Variants in CFAP53 observed in about 807,000 individuals in gnomAD.
The protein encoded by CFAP53 is cilia- and flagella-associated protein 53.
CFAP53 carries 62 observed loss-of-function variants against 59.7 expected under a neutral mutation model. That is an observed-to-expected ratio of 1.04 (90% confidence interval 0.85 to 1.28). The LOEUF (loss-of-function observed/expected upper bound fraction) is 1.28, where lower values mean the gene tolerates loss of function less well. Ranked by LOEUF, CFAP53 falls within the 50% of genes most tolerant of loss-of-function variation. CFAP53 has a pLI of 0.00. For missense variants in CFAP53, 629 were observed against 615.6 expected (o/e 1.02, Z -0.23); for synonymous variants, 218 against 205.7 (o/e 1.06, Z -0.51).
intron 1 of CFAP53, among the ~76,000 whole-genome samples, chr18:50,265,895 C>T (rs2033956516): frequency 6.6e-6 from 1 of 152,190 alleles, no homozygotes; most frequent in Admixed American, 6.5e-5. Context: ...ATTCCCCTTC[C>T]TCAGACGATT....
chr18:50,227,837 G>A (rs2144397055), intron 7 of CFAP53, among the ~76,000 whole-genome samples: 1 of 151,752 alleles, frequency 6.6e-6, no homozygotes, highest in Middle Eastern at 3.4e-3. Context: ...CTTCTTCCCT[G>A]CTCGTAATGT....
At position 50,238,640 on chromosome 18, in the gene CFAP53, T is replaced by C. The variant is rs763929280; in HGVS notation, c.1279A>G (p.Lys427Glu). 2.5e-6 allele frequency: 4 copies of C among 1,612,182 alleles called. No individual in the cohort carries two copies. The South Asian group carries it at 3.3e-5, about 13-fold the overall frequency. Residue 427 changes from lysine to glutamate, a missense_variant, in exon 7 of 8, where the codon AAA becomes GAA. Physicochemically the swap from Lys to Glu is moderately conservative, Grantham distance 56. Transcript: ENST00000398545. ...TCCTTCTCTTCACAGTTAAGTTCTT[T>C]AAGACTTTCATTTATGTGTTTCTGT... ...MEQKHINESL[K>E]ELNCEEKENF...
At chr18:50,260,283 G>T (rs1224468651) in intron 3 of CFAP53, among the ~76,000 whole-genome samples, 4 of 152,158 alleles carry the variant, frequency 2.6e-5, no homozygotes, top group African/African-American at 9.7e-5. Flanking sequence ...GGTCACCATG[G>T]GTCTGGGTCA....
chr18:50,233,408 A>G (rs2033600644), intron 7 of CFAP53, among the ~76,000 whole-genome samples: 1 of 152,152 alleles, frequency 6.6e-6, no homozygotes, highest in Non-Finnish European at 1.5e-5. Flanking sequence ...CACCCTCTTA[A>G]TATTGATGCT....
intron 7 of CFAP53, among the ~76,000 whole-genome samples, chr18:50,229,497 T>C (rs926110770): frequency 6.6e-6 from 1 of 152,228 alleles, no homozygotes; most frequent in African/African-American, 2.4e-5. Context: ...TAATAGACCC[T>C]TGGGTTGCTT....
intron 1 of CFAP53, among the ~76,000 whole-genome samples, chr18:50,262,680 A>G (rs148682060): frequency 0.021 from 3,203 of 152,348 alleles, 56 homozygotes; most frequent in Non-Finnish European, 0.034. Context: ...ACTTTCAATG[A>G]AAAGGTGCTA....
In CFAP53 at chr18:50,238,560, AT is replaced by A. The variant is rs1165499970; in HGVS notation, c.1316+42del. ...AGCCACCATGGCTAGCCAAAAATCCATTTTTTAGGTAGCAAATGATGATACA... is the reference window on the plus strand; with the variant it reads ...AGCCACCATGGCTAGCCAAAAATCCATTTTTAGGTAGCAAATGATGATACA... On this transcript the variant is annotated intron_variant, in intron 7 of 7. Coordinates refer to ENST00000398545, the MANE Select transcript of CFAP53 (RefSeq NM_145020.5). The A allele has an allele frequency of 2.1e-6, 3 of 1,461,144 alleles. No individual in the cohort carries two copies. The Admixed American group carries it at 5.2e-5, about 25-fold the overall frequency. 90.5% of individuals were successfully genotyped at this position (1,461,144 alleles called of 1,614,324 possible). A position where few individuals can be genotyped will look rare whatever the true frequency, so the allele number is the denominator to read the frequency against.
At chr18:50,239,983 A>G (rs534640907) in intron 6 of CFAP53, among the ~76,000 whole-genome samples, 53 of 152,370 alleles carry the variant, frequency 3.5e-4, no homozygotes, top group African/African-American at 1.2e-3. Flanking sequence ...TCTTCAAAGA[A>G]TCAATATGTC....
chr18:50,241,818 C>T (rs889365751), intron 6 of CFAP53, among the ~76,000 whole-genome samples: 5 of 152,080 alleles, frequency 3.3e-5, no homozygotes, highest in East Asian at 1.9e-4. Context: ...CCACTGTGCA[C>T]GCATTGTCTT....
intron 7 of CFAP53, among the ~76,000 whole-genome samples, chr18:50,227,898 T>C (rs2144397149): frequency 6.6e-6 from 1 of 150,820 alleles, no homozygotes; most frequent in African/African-American, 2.4e-5. Context: ...CTTCCCTTAC[T>C]CTTCTCTATG....
At chr18:50,258,259 T>A (rs139623884) in intron 3 of CFAP53, among the ~76,000 whole-genome samples, 7 of 152,040 alleles carry the variant, frequency 4.6e-5, no homozygotes, top group Admixed American at 3.3e-4. Flanking sequence ...AACAGACACA[T>A]AAACCAATGA....
At position 50,261,996 on chromosome 18, in the gene CFAP53, C is replaced by T. The variant is rs267605199; in HGVS notation, c.293G>A (p.Arg98Gln). 2.0e-5 allele frequency: 32 copies of T among 1,602,444 alleles called. No homozygotes were observed. Among genetic ancestry groups the T allele is most frequent in the Non-Finnish European group, 2.6e-5 (30 of 1,169,974 alleles). Reference protein sequence around the residue: ...QGFIINIEERRNKLRELLALE... With the variant: ...QGFIINIEERQNKLRELLALE... ...CCAGGTTTGTGAGCCTTACTTATTTCGTCTTTCTTCAATGTTAATGATAAA... is the reference window on the plus strand; with the variant it reads ...CCAGGTTTGTGAGCCTTACTTATTTTGTCTTTCTTCAATGTTAATGATAAA... Residue 98 changes from arginine to glutamine, a missense_variant, in exon 2 of 8, where the codon CGA becomes CAA. Coordinates refer to ENST00000398545, the MANE Select transcript of CFAP53 (RefSeq NM_145020.5).
chr18:50,229,893 G>A (rs1333869258), intron 7 of CFAP53, among the ~76,000 whole-genome samples: 2 of 151,820 alleles, frequency 1.3e-5, no homozygotes, highest in East Asian at 3.9e-4. Flanking sequence ...GACTATAGGT[G>A]CACACAACCA....
At chr18:50,253,636 T>C (rs2033821395) in intron 3 of CFAP53, among the ~76,000 whole-genome samples, 1 of 152,222 alleles carries the variant, frequency 6.6e-6, no homozygotes, top group African/African-American at 2.4e-5. Flanking sequence ...CAATGAACAT[T>C]ACTGCAAATT....
rs768400180 is a variant in CFAP53, at chr18:50,227,343, T to C, written c.*38A>G. 3.2e-6 allele frequency: 5 copies of C among 1,541,280 alleles called. No homozygotes were observed. Among genetic ancestry groups the C allele is most frequent in the Middle Eastern group, 1.7e-4 (1 of 5,894 alleles). ...TACAAGCATACTGTAGTTAAAAATATTAAAAGACCAAGAAAAGATATATTG... is the reference window on the plus strand; with the variant it reads ...TACAAGCATACTGTAGTTAAAAATACTAAAAGACCAAGAAAAGATATATTG... On this transcript the variant is annotated 3_prime_UTR_variant, in exon 8 of 8. Transcript: ENST00000398545.
At chr18:50,247,661 T>C (rs2033757698) in intron 5 of CFAP53, among the ~76,000 whole-genome samples, 1 of 152,190 alleles carries the variant, frequency 6.6e-6, no homozygotes, top group Admixed American at 6.5e-5. Context: ...CATGCTACAA[T>C]GTGGATAAAT....
At chr18:50,251,028 A>C (rs372124265) in intron 4 of CFAP53, 52 bp from the exon 5 acceptor site, 5 of 1,449,580 alleles carry the variant, frequency 3.4e-6, no homozygotes, top group African/African-American at 1.4e-5. Context: ...GGACAAGACA[A>C]GTTAGTGCAT....
In CFAP53 at chr18:50,242,968, T is replaced by C; in HGVS notation, c.1145A>G (p.Glu382Gly). ...CACAAGCTGTCTCCTTGCCTCCTTT[T>C]CAAGTCTCAGCTCCTTGTCCTTCTC... ...LAEKDKELRLEKEARRQLVDE... is the reference protein window; with the variant it reads ...LAEKDKELRLGKEARRQLVDE... Residue 382 changes from glutamate (E) to glycine (G), a missense_variant, in exon 6 of 8, where the codon GAA (glutamate) becomes GGA (glycine). Transcript: ENST00000398545. 1 of 1,614,122 alleles carries C rather than the reference T, an allele frequency of 6.2e-7. No homozygotes were observed. The highest frequency in any genetic ancestry group is 8.5e-7 in the Non-Finnish European group (1 of 1,180,038).
intron 1 of CFAP53, among the ~76,000 whole-genome samples, chr18:50,262,870 TAG>T (rs2033908470): frequency 6.6e-6 from 1 of 152,150 alleles, no homozygotes; most frequent in Non-Finnish European, 1.5e-5. Flanking sequence ...AAGCTGGTGG[TAG>T]AACTTTATTC....
Sources: allele counts gnomAD v4.1 joint callset (sites outside exome capture counted in the v4.1 genomes callset), GRCh38; gene constraint gnomAD v4.1.1; transcripts MANE v1.5; gene names NCBI Gene and HGNC (gene_info 2026-07-23, HGNC 2026-07-21).